The following RARB variants were observed in gnomAD, a reference collection of about 807,000 sequenced individuals.
RARB encodes the protein retinoic acid receptor beta, also known as HBV-activated protein.
A neutral mutation model predicts 51.9 loss-of-function variants in RARB; 17 were observed. That is an observed-to-expected ratio of 0.33 (90% CI 0.22 to 0.49). The LOEUF (loss-of-function observed/expected upper bound fraction) is 0.49. Among genes scored for constraint, RARB ranks in the 20% least tolerant of loss-of-function variants. The probability of loss-of-function intolerance (pLI) is 0.99; values close to 1 mark genes in which losing one functional copy is unlikely to be tolerated. For synonymous variants in RARB, 215 were observed against 195.4 expected (o/e 1.10, Z -0.84); for missense variants, 369 against 550.8 (o/e 0.67, Z 3.30).
Position 25,205,408 on chromosome 3 carries a change from G to T in RARB, c.178+30833G>T, listed in dbSNP as rs117913571. On this transcript the variant is annotated intron_variant, in intron 5 of 11. Coordinates refer to the RARB transcript ENST00000383772. ...AATGCCTCACCCTGCTTTGGCTCAC[G>T]TTCGGTGCGCTGCATCCACTGTCCT... 4.0e-3 allele frequency among the ~76,000 whole-genome samples: 605 copies of T among 152,158 alleles called. 10 individuals are homozygous for T. Among genetic ancestry groups the T allele is most frequent in the East Asian group, 0.03 (153 of 5,148 alleles).
chr3:24,864,238 T>A (rs1702807610), intron 2 of RARB, among the ~76,000 whole-genome samples: 1 of 152,184 alleles, frequency 6.6e-6, no homozygotes, highest in African/African-American at 2.4e-5. Context: ...ACTGTTGGTA[T>A]CCAGGTTCTG....
intron 5 of RARB, among the ~76,000 whole-genome samples, chr3:25,365,681 C>T (rs959546018): frequency 4.6e-5 from 7 of 152,106 alleles, no homozygotes; most frequent in Non-Finnish European, 7.4e-5. Context: ...TATTCATTTT[C>T]GTGTCTGTTA....
At chr3:24,877,745 A>G (rs776033479) in intron 2 of RARB, among the ~76,000 whole-genome samples, 5 of 152,150 alleles carry the variant, frequency 3.3e-5, no homozygotes, top group Non-Finnish European at 5.9e-5. Flanking sequence ...TTTTATGCAG[A>G]GGGAAAAAGA....
At position 25,404,905 on chromosome 3, in the gene RARB, C is replaced by G. The variant is rs537729887; in HGVS notation, c.179-56288C>G. Among the ~76,000 whole-genome samples, 9 of 151,982 alleles carry G rather than the reference C, an allele frequency of 5.9e-5. No homozygotes were observed. In the South Asian group the frequency reaches 1.7e-3, roughly 28 times the overall value. On this transcript the variant is annotated intron_variant, in intron 5 of 11. Transcript: ENST00000383772. The stretch of plus-strand genomic sequence containing the variant: ...TACTCGCTACTTTTTTTTCAGTAAC[C>G]CAGTAGGTCTCATGCCCAATCAGCA...
At chr3:24,959,485 CAG>C (rs1024340571) in intron 2 of RARB, among the ~76,000 whole-genome samples, 8 of 152,172 alleles carry the variant, frequency 5.3e-5, no homozygotes, top group Admixed American at 4.6e-4. Flanking sequence ...CAGTGAAACA[CAG>C]GGTTTTTTAT....
intron 2 of RARB, among the ~76,000 whole-genome samples, chr3:24,920,408 T>C (rs1411426265): frequency 6.6e-6 from 1 of 152,202 alleles, no homozygotes; most frequent in African/African-American, 2.4e-5. Flanking sequence ...CTAAATATTG[T>C]ATTAAAAATG....
At chr3:25,230,789 T>C (rs945598710) in intron 5 of RARB, among the ~76,000 whole-genome samples, 4 of 152,088 alleles carry the variant, frequency 2.6e-5, no homozygotes, top group East Asian at 3.9e-4. Flanking sequence ...TGCTGTTCAA[T>C]AGGGTAGCCA....
intron 3 of RARB, among the ~76,000 whole-genome samples, chr3:25,515,616 G>C (rs1324358381): frequency 6.6e-6 from 1 of 152,166 alleles, no homozygotes; most frequent in African/African-American, 2.4e-5. Flanking sequence ...CTAACAGCAT[G>C]GATGAACTCA....
chr3:25,236,399 C>G (rs1414238209), intron 5 of RARB, among the ~76,000 whole-genome samples: 1 of 152,126 alleles, frequency 6.6e-6, no homozygotes, highest in South Asian at 2.1e-4. Flanking sequence ...CTTTACATAT[C>G]TGTAGCCACA....
At chr3:25,454,187 G>T (rs1384617290) in intron 1 of RARB, among the ~76,000 whole-genome samples, 1 of 152,206 alleles carries the variant, frequency 6.6e-6, no homozygotes, top group Non-Finnish European at 1.5e-5. Context: ...ATGCGCACAC[G>T]CAAATAGCGG....
chr3:24,940,559 C>A (rs768830381), intron 2 of RARB, among the ~76,000 whole-genome samples: 1 of 152,164 alleles, frequency 6.6e-6, no homozygotes, highest in Non-Finnish European at 1.5e-5. Flanking sequence ...CAATTCCTTT[C>A]CTATGTTTTT....
At chr3:25,549,212 T>C (rs1699742740) in intron 3 of RARB, among the ~76,000 whole-genome samples, 2 of 152,030 alleles carry the variant, frequency 1.3e-5, no homozygotes, top group African/African-American at 4.8e-5. Flanking sequence ...GATAGAACAA[T>C]GAAGGCTGAA....
At chr3:25,475,503 C>T (rs973780454) in intron 2 of RARB, among the ~76,000 whole-genome samples, 1 of 152,010 alleles carries the variant, frequency 6.6e-6, no homozygotes, top group African/African-American at 2.4e-5. Flanking sequence ...AATAATAAAG[C>T]TGACATTCCT....
At position 25,561,030 on chromosome 3, in the gene RARB, T is replaced by C. The variant is rs529056449; in HGVS notation, c.449-8728T>C. 9.1e-4 allele frequency among the ~76,000 whole-genome samples: 138 copies of C among 152,344 alleles called. 1 individual carries two copies. Among genetic ancestry groups the C allele is most frequent in the African/African-American group, 3.2e-3 (135 of 41,570 alleles). On this transcript the variant is annotated intron_variant, in intron 3 of 7. Coordinates refer to ENST00000330688, the MANE Select transcript of RARB (RefSeq NM_000965.5). ...TGAACAAAAACTGATGTCCTCATTT[T>C]TCAGATAAGGAAACTGAGGCTCAGA...
chr3:25,079,355 T>A (rs1033149581), intron 3 of RARB, among the ~76,000 whole-genome samples: 1 of 152,332 alleles, frequency 6.6e-6, no homozygotes, highest in Middle Eastern at 3.4e-3. Flanking sequence ...AACTGAATGC[T>A]AATTCTTTTT....
intron 2 of RARB, among the ~76,000 whole-genome samples, chr3:24,873,665 T>C (rs910115955): frequency 1.8e-4 from 26 of 142,468 alleles, no homozygotes; most frequent in Middle Eastern, 3.9e-3. Flanking sequence ...CAGTCTTCCC[T>C]TTTTTTTTTC....
intron 3 of RARB, among the ~76,000 whole-genome samples, chr3:25,537,530 C>T (rs1295882851): frequency 6.6e-6 from 1 of 152,182 alleles, no homozygotes; most frequent in Non-Finnish European, 1.5e-5. Context: ...GTCACTGAGG[C>T]TCTTGTGGGG....
intron 5 of RARB, among the ~76,000 whole-genome samples, chr3:25,244,130 T>G (rs1702497021): frequency 6.6e-6 from 1 of 152,190 alleles, no homozygotes; most frequent in Non-Finnish European, 1.5e-5. Context: ...GATAGTAGTT[T>G]GTGTTTCTGT....
intron 2 of RARB, among the ~76,000 whole-genome samples, chr3:25,462,908 G>A (rs1028982771): frequency 1.3e-5 from 2 of 152,202 alleles, no homozygotes; most frequent in African/African-American, 4.8e-5. Context: ...AGGCTAAGAA[G>A]CATCTCATTA....
Sources: gnomAD v4.1 joint callset for allele counts (sites outside exome capture counted in the v4.1 genomes callset) on GRCh38, gnomAD v4.1.1 for gene constraint, MANE v1.5 for transcripts, NCBI Gene and HGNC (gene_info 2026-07-23, HGNC 2026-07-21) for gene names.